TYW1: variants seen among roughly 807,000 people sequenced by gnomAD.
TYW1 encodes tRNA-yW synthesizing protein 1 homolog.
A neutral mutation model predicts 96.2 loss-of-function variants in TYW1; 46 were observed. That is an observed-to-expected ratio of 0.48 (90% confidence interval 0.38 to 0.61). The LOEUF (loss-of-function observed/expected upper bound fraction) is 0.61, where lower values mean the gene tolerates loss of function less well. Ranked by LOEUF, TYW1 falls within the 20% of genes least tolerant of loss-of-function variation. The probability of loss-of-function intolerance (pLI) is 0.00; values close to 1 mark genes in which losing one functional copy is unlikely to be tolerated. For missense variants in TYW1, 684 were observed against 909.6 expected, an observed-to-expected ratio of 0.75 and a Z score of 3.19; for synonymous variants, 274 against 323.0, an observed-to-expected ratio of 0.85 and a Z score of 1.63.
rs192370092 is a variant in TYW1 at position 67,040,530 on chromosome 7, T to C, written c.985-9419T>C. On this transcript the variant is annotated intron_variant, in intron 7 of 15. Coordinates refer to ENST00000359626, the MANE Select transcript of TYW1 (RefSeq NM_018264.4). ...CTGATTGAGAGATTTTTGTATTTTC[T>C]ACCAGGTTAAGCTTTATTTAAAAGC... Among the ~76,000 whole-genome samples the C allele has an allele frequency of 2.4e-3, 362 of 152,184 alleles. 1 individual carries two copies. The highest frequency in any genetic ancestry group is 4.4e-3 in the Non-Finnish European group (297 of 68,010).
At chr7:67,122,606 T>C (rs1797791995) in intron 13 of TYW1, among the ~76,000 whole-genome samples, 2 of 152,204 alleles carry the variant, frequency 1.3e-5, no homozygotes, top group African/African-American at 4.8e-5. Flanking sequence ...TTTTTGCAAA[T>C]TTAATTCCAT....
At chr7:67,135,353 G>A (rs148439543) in intron 13 of TYW1, among the ~76,000 whole-genome samples, 4,081 of 124,122 alleles carry the variant, frequency 0.033, 263 homozygotes, top group East Asian at 0.17. Context: ...CACCCAGGCT[G>A]GAGTACAGTG....
At chr7:67,006,414 C>T (rs34660286) in intron 3 of TYW1, among the ~76,000 whole-genome samples, 1 of 151,296 alleles carries the variant, frequency 6.6e-6, no homozygotes, top group Non-Finnish European at 1.5e-5. Flanking sequence ...TATAAATTGC[C>T]CAATCTCAGG....
At chr7:67,020,463 C>T (rs1477858684) in intron 6 of TYW1, among the ~76,000 whole-genome samples, 2 of 152,256 alleles carry the variant, frequency 1.3e-5, no homozygotes, top group African/African-American at 2.4e-5. Flanking sequence ...TGGTCTCAAT[C>T]TCCTGACCTC....
chr7:67,203,101 A>G (rs1413970398), intron 15 of TYW1, among the ~76,000 whole-genome samples: 1 of 152,178 alleles, frequency 6.6e-6, no homozygotes, highest in Non-Finnish European at 1.5e-5. Flanking sequence ...TATCACCACA[A>G]AGATCTTTCT....
intron 7 of TYW1, among the ~76,000 whole-genome samples, chr7:67,041,817 C>G (rs964360219): frequency 5.3e-5 from 8 of 152,114 alleles, no homozygotes; most frequent in African/African-American, 1.9e-4. Context: ...GCTTGTGTAT[C>G]TGGACAAATT....
chr7:67,042,751 C>G (rs1012627880), intron 7 of TYW1, among the ~76,000 whole-genome samples: 1 of 152,146 alleles, frequency 6.6e-6, no homozygotes, highest in South Asian at 2.1e-4. Flanking sequence ...AATCCCAGAG[C>G]TTTGGGAGGC....
intron 10 of TYW1, among the ~76,000 whole-genome samples, chr7:67,072,605 A>G (rs1263952585): frequency 1.3e-5 from 2 of 152,126 alleles, no homozygotes; most frequent in African/African-American, 4.8e-5. Context: ...ATAAGCAGAG[A>G]GAGAACAATA....
chr7:67,114,838 GC>G (rs1265754771), intron 12 of TYW1, among the ~76,000 whole-genome samples: 1 of 152,092 alleles, frequency 6.6e-6, no homozygotes, highest in Non-Finnish European at 1.5e-5. Context: ...CTAATTTTGA[GC>G]CCCTTAGAAA....
chr7:67,155,976 CAGT>C (rs1038357869), intron 13 of TYW1, among the ~76,000 whole-genome samples: 1 of 151,818 alleles, frequency 6.6e-6, no homozygotes, highest in Admixed American at 6.6e-5. Flanking sequence ...TAATCAATGT[CAGT>C]GGTGTCTGAG....
At chr7:67,156,978 T>C in intron 13 of TYW1, among the ~76,000 whole-genome samples, 1 of 151,962 alleles carries the variant, frequency 6.6e-6, no homozygotes, top group Non-Finnish European at 1.5e-5. Flanking sequence ...CTTTCCCCTT[T>C]CCTTCTGTGT....
chr7:67,018,977 A>AAAAAAAC (rs1562968206), intron 6 of TYW1, among the ~76,000 whole-genome samples: 1 of 100,482 alleles, frequency 1.0e-5, no homozygotes. Flanking sequence ...AAAAAAAGAA[A>AAAAAAAC]AAAACAAAAT....
chr7:67,191,074 A>C (rs1294792788), intron 14 of TYW1, among the ~76,000 whole-genome samples: 2 of 152,244 alleles, frequency 1.3e-5, no homozygotes, highest in East Asian at 3.8e-4. Context: ...TACAAGAAGC[A>C]TGGTGCCAAC....
At chr7:67,052,393 G>C (rs1320981024) in intron 8 of TYW1, among the ~76,000 whole-genome samples, 6 of 152,084 alleles carry the variant, frequency 3.9e-5, no homozygotes, top group African/African-American at 1.4e-4. Flanking sequence ...CTATTGCTAT[G>C]TTTTCAAGTT....
At position 67,117,514 on chromosome 7, in the gene TYW1, A is replaced by G. The variant is rs1797631724; in HGVS notation, c.1594A>G (p.Ser532Gly). The G allele has an allele frequency of 1.2e-6, 2 of 1,609,692 alleles. No individual in the cohort carries two copies. The highest frequency in any genetic ancestry group is 3.4e-5 in the Admixed American group (2 of 59,216). The part of the protein sequence containing the change: ...NLEPVTQLYV[S>G]VDASTKDSLK... The stretch of plus-strand genomic sequence containing the variant: ...CGAGCCGGTTACTCAGCTGTATGTC[A>G]GTGTGGATGCCAGTACCAAAGACAG... The change falls in exon 13 of 16, where the codon AGT becomes GGT. Residue 532 changes from serine (S) to glycine (G), a missense_variant. Ser to Gly is a moderately conservative substitution (Grantham distance 56). Transcript: ENST00000359626.
At chr7:67,017,289 C>T (rs949169503) in intron 5 of TYW1, among the ~76,000 whole-genome samples, 6 of 151,932 alleles carry the variant, frequency 3.9e-5, no homozygotes, top group Non-Finnish European at 5.9e-5. Context: ...GGCGTAGATA[C>T]GTAAATATTT....
intron 12 of TYW1, among the ~76,000 whole-genome samples, chr7:67,102,809 A>C (rs34346586): frequency 0.011 from 1,682 of 151,914 alleles, 12 homozygotes; most frequent in Non-Finnish European, 0.018. Flanking sequence ...CCACCACCAC[A>C]CCCAGCTAAT....
rs770022188 is a variant in TYW1, at chr7:67,049,936, T to C, written c.985-13T>C. 21 of 1,613,402 alleles carry C rather than the reference T, an allele frequency of 1.3e-5. No homozygotes were observed. The highest frequency in any genetic ancestry group is 1.4e-5 in the Non-Finnish European group (16 of 1,179,820). On this transcript the variant is annotated splice_polypyrimidine_tract_variant and intron_variant, in intron 7 of 15. Coordinates refer to ENST00000359626, the MANE Select transcript of TYW1 (RefSeq NM_018264.4). ...ACCAATTCTGGATTTCATTCTTTTT[T>C]ATTTTAATGCAGAGAGAAAAGGAAC...
intron 7 of TYW1, among the ~76,000 whole-genome samples, chr7:67,033,317 C>T (rs1487512312): frequency 6.6e-6 from 1 of 152,146 alleles, no homozygotes; most frequent in Non-Finnish European, 1.5e-5. Context: ...TGAGATCTCC[C>T]TTGCCCCCAT....
Sources: allele counts gnomAD v4.1 joint callset (sites outside exome capture counted in the v4.1 genomes callset), GRCh38; gene constraint gnomAD v4.1.1; transcripts MANE v1.5; gene names NCBI Gene and HGNC (gene_info 2026-07-23, HGNC 2026-07-21).